Variants in ADAT1 observed in about 807,000 individuals in gnomAD.
ADAT1 encodes tRNA-specific adenosine deaminase 1.
In ADAT1, 58 loss-of-function variants were observed where a neutral mutation model predicts 58.6. That is an observed-to-expected ratio of 0.99 (90% CI 0.80 to 1.23). The LOEUF is 1.23. Among genes scored for constraint, ADAT1 ranks in the 50% most tolerant of loss-of-function variants. ADAT1 has a pLI of 0.00. For missense variants in ADAT1, 741 were observed against 608.6 expected, an observed-to-expected ratio of 1.22 and a Z score of -2.29; for synonymous variants, 254 against 220.8, an observed-to-expected ratio of 1.15 and a Z score of -1.33.
At chr16:75,602,369 C>G (rs2081254957) in intron 9 of ADAT1, among the ~76,000 whole-genome samples, 2 of 152,232 alleles carry the variant, frequency 1.3e-5, no homozygotes, top group African/African-American at 4.8e-5. Context: ...TACCCTATAT[C>G]TCTCTCCTTT....
In ADAT1 at chr16:75,598,496, A is replaced by G. The variant is rs1398442034; in HGVS notation, c.*1720T>C. Among the ~76,000 whole-genome samples the G allele has an allele frequency of 6.6e-6, 1 of 151,076 alleles. No individual in the cohort carries two copies. The highest frequency in any genetic ancestry group is 1.9e-4 in the East Asian group (1 of 5,130). On this transcript the variant is annotated 3_prime_UTR_variant, in exon 10 of 10. Coordinates refer to ENST00000564657, the MANE Select transcript of ADAT1 (RefSeq NM_001324445.2). Reference sequence around the variant, plus strand: ...ATGTTCTAAAATTGATGGTTGCACAACTCTGTGGATATACTAAAAAAATTT... The same window carrying G: ...ATGTTCTAAAATTGATGGTTGCACAGCTCTGTGGATATACTAAAAAAATTT...
At chr16:75,620,500 T>C in intron 2 of ADAT1, 131 bp downstream of exon 2, 1 of 1,411,424 alleles carries the variant, frequency 7.1e-7, no homozygotes, top group Admixed American at 1.8e-5. Flanking sequence ...CTGCGTCACC[T>C]AGCAGAGGAC....
At chr16:75,620,456 G>A (rs958940031) in intron 2 of ADAT1, 122 bp from the exon 3 acceptor site, 1 of 1,417,786 alleles carries the variant, frequency 7.1e-7, no homozygotes, top group African/African-American at 1.4e-5. Flanking sequence ...AAGGTCTGCG[G>A]TTCCAGCATG....
At chr16:75,621,663 T>G (rs1194241540) in intron 1 of ADAT1, among the ~76,000 whole-genome samples, 6 of 152,150 alleles carry the variant, frequency 3.9e-5, no homozygotes, top group Admixed American at 3.3e-4. Flanking sequence ...TTTTCCTGGT[T>G]AATTTGCCTT....
At chr16:75,618,105 A>C (rs73615057) in intron 4 of ADAT1, among the ~76,000 whole-genome samples, 6,771 of 144,474 alleles carry the variant, frequency 0.047, 243 homozygotes, top group African/African-American at 0.18. Context: ...GTCCAAAAAA[A>C]AAAAAAAAAA....
intron 9 of ADAT1, 147 bp downstream of exon 9, chr16:75,602,938 G>A: frequency 1.4e-6 from 1 of 702,206 alleles, no homozygotes. Context: ...TGCAAATAGG[G>A]CTATGGGGAA....
intron 8 of ADAT1, 40 bp downstream of exon 8, chr16:75,608,184 G>C: frequency 6.5e-7 from 1 of 1,542,826 alleles, no homozygotes; most frequent in Non-Finnish European, 9.0e-7. Flanking sequence ...TAGAGTGTGA[G>C]TTCACAGCCA....
chr16:75,615,480 TAAAAAAAAAAA>T (rs56149357), intron 5 of ADAT1, among the ~76,000 whole-genome samples: 5 of 32,944 alleles, frequency 1.5e-4, no homozygotes, highest in Non-Finnish European at 3.6e-4. Flanking sequence ...GTTGATGAGC[TAAAAAAAAAAA>T]AAAAAAAAAA....
chr16:75,619,620 A>C, intron 3 of ADAT1: 1 of 455,572 alleles, frequency 2.2e-6, no homozygotes, highest in South Asian at 1.5e-5. Context: ...CCTGTCATTC[A>C]AGATTGCTTA....
Position 75,617,251 on chromosome 16 carries a change from C to G in ADAT1, c.315G>C (p.Gln105His), listed in dbSNP as rs746290396. 1.2e-6 allele frequency: 2 copies of G among 1,613,470 alleles called. No homozygotes were observed. The highest frequency in any genetic ancestry group is 3.3e-5 in the Admixed American group (2 of 59,998). ...TATCCTCTTTCAGGGTGGCTGCCAA[C>G]TGGAGTTGGTGGAGAAGGTACCTAA... ...SFQRYLLHQL[Q>H]LAATLKEDSI... is the part of the protein sequence containing the mutation. The change falls in exon 5 of 10, where the codon CAG becomes CAC. Residue 105 changes from glutamine to histidine, a missense_variant. By Grantham distance (24) the Gln-to-His change is conservative. Coordinates refer to ENST00000564657, the MANE Select transcript of ADAT1 (RefSeq NM_001324445.2).
chr16:75,602,189 C>T (rs2081250021), intron 9 of ADAT1, among the ~76,000 whole-genome samples: 1 of 152,184 alleles, frequency 6.6e-6, no homozygotes, highest in African/African-American at 2.4e-5. Flanking sequence ...AGTTCAATCA[C>T]ATCATGTGGC....
At chr16:75,618,845 A>G (rs536114589) in intron 3 of ADAT1, 136 of 532,762 alleles carry the variant, frequency 2.6e-4, no homozygotes, top group African/African-American at 2.5e-3. Flanking sequence ...TTGGGCCAGA[A>G]AATTTTTTGT....
At position 75,599,582 on chromosome 16, in the gene ADAT1, C is replaced by T. The variant is rs2081169112; in HGVS notation, c.*634G>A. On this transcript the variant is annotated 3_prime_UTR_variant, in exon 10 of 10. Transcript: ENST00000564657. ...TTCTCTAGGTAGTAGGAAAAGATGGCCACCGGCAGTCCCATGATTATGTGA... is the reference window on the plus strand; with the variant it reads ...TTCTCTAGGTAGTAGGAAAAGATGGTCACCGGCAGTCCCATGATTATGTGA... The T allele has an allele frequency of 2.0e-6, 2 of 985,826 alleles. No homozygotes were observed. The highest frequency in any genetic ancestry group is 1.1e-4 in the East Asian group (1 of 8,838). 61.1% of individuals were successfully genotyped at this position (985,826 alleles called of 1,614,324 possible).
chr16:75,618,393 C>A (rs528168253), intron 4 of ADAT1, among the ~76,000 whole-genome samples, 193 bp downstream of exon 4: 1 of 151,548 alleles, frequency 6.6e-6, no homozygotes, highest in Admixed American at 6.6e-5. Context: ...GTAGTCTCAG[C>A]TACTTGGGAG....
Position 75,599,157 on chromosome 16 carries a change from C to T in ADAT1, c.*1059G>A, listed in dbSNP as rs2151735470. ...AGTGCAGCGGTACGATCTTTGCTCA[C>T]CACTACCTCCGCCTCCTGGGTTCAA... is the stretch of plus-strand genomic sequence containing the variant. On this transcript the variant is annotated 3_prime_UTR_variant, in exon 10 of 10. Coordinates refer to ENST00000564657, the MANE Select transcript of ADAT1 (RefSeq NM_001324445.2). 4 of 965,284 alleles carry T rather than the reference C, an allele frequency of 4.1e-6. No individual in the cohort carries two copies. Among genetic ancestry groups the T allele is most frequent in the Non-Finnish European group, 4.9e-6 (4 of 814,070 alleles). The allele number at this position is 965,284 out of a possible 1,614,324, so 59.8% of individuals were successfully genotyped here. A position where few individuals can be genotyped will look rare whatever the true frequency, so the allele number is the denominator to read the frequency against.
chr16:75,599,221 A>G lies in ADAT1; in HGVS notation c.*995T>C. The G allele has an allele frequency of 1.2e-6, 1 of 841,156 alleles. No individual in the cohort carries two copies. The highest frequency in any genetic ancestry group is 1.8e-5 in the African/African-American group (1 of 54,066). 52.1% of individuals were successfully genotyped at this position (841,156 alleles called of 1,614,324 possible). ...CTCAGCCTCCCGAGTAGCTAGGATTACAGGTGTGCGCCACCATGCCCGGCT... is the reference window on the plus strand; with the variant it reads ...CTCAGCCTCCCGAGTAGCTAGGATTGCAGGTGTGCGCCACCATGCCCGGCT... On this transcript the variant is annotated 3_prime_UTR_variant, in exon 10 of 10. Transcript: ENST00000564657.
intron 3 of ADAT1, among the ~76,000 whole-genome samples, chr16:75,619,045 T>C (rs926013626): frequency 3.9e-5 from 6 of 152,190 alleles, no homozygotes; most frequent in South Asian, 2.1e-4. Context: ...AAAAACCTCA[T>C]TCGGAGAACA....
chr16:75,599,999 T>C lies in ADAT1; in HGVS notation c.*217A>G, dbSNP rs905996261. ...GCAATAAAACACAATGGAAGTCAGA[T>C]AGTGAGGTCATTAGTGAGATGCCAT... On this transcript the variant is annotated 3_prime_UTR_variant, in exon 10 of 10. Transcript: ENST00000564657. 1.7e-5 allele frequency: 23 copies of C among 1,317,792 alleles called. No individual in the cohort carries two copies. In the African/African-American group the frequency reaches 2.5e-4, roughly 14 times the overall value. 81.6% of individuals were successfully genotyped at this position (1,317,792 alleles called of 1,614,324 possible).
rs373362863 is a variant in ADAT1, at chr16:75,608,295, C to T, written c.1218G>A (p.Gln406=). The T allele has an allele frequency of 6.2e-6, 10 of 1,613,946 alleles. No homozygotes were observed. Among genetic ancestry groups the T allele is most frequent in the African/African-American group, 1.3e-5 (1 of 74,922 alleles). Residue 406 remains glutamine (Q), a synonymous_variant, in exon 8 of 10, where the codon CAG becomes CAA. Coordinates refer to ENST00000564657, the MANE Select transcript of ADAT1 (RefSeq NM_001324445.2). Reference sequence around the variant, plus strand: ...AGCCATTGGCAGTAACATCCAAAGGCTGCTCAGGAACTGCACTCCAGCTGA... The same window carrying T: ...AGCCATTGGCAGTAACATCCAAAGGTTGCTCAGGAACTGCACTCCAGCTGA... ...AAISWSAVPE[Q]PLDVTANGFP...
Sources: allele counts gnomAD v4.1 joint callset (sites outside exome capture counted in the v4.1 genomes callset), GRCh38; gene constraint gnomAD v4.1.1; transcripts MANE v1.5; gene names NCBI Gene and HGNC (gene_info 2026-07-23, HGNC 2026-07-21).